ARMC1: variants seen among roughly 807,000 people sequenced by gnomAD.
ARMC1 encodes armadillo repeat containing 1.
Under a neutral mutation model 31.4 loss-of-function variants are expected in ARMC1, and 16 were observed. That is an observed-to-expected ratio of 0.51 (90% CI 0.34 to 0.77). ARMC1 has a LOEUF of 0.77. ARMC1 is among the 30% of genes least tolerant of loss of function. The pLI is 0.01. For synonymous variants in ARMC1, 114 were observed against 118.9 expected (o/e 0.96, Z 0.27); for missense variants, 259 against 347.5 (o/e 0.75, Z 2.02).
At chr8:65,608,742 T>C (rs1036239086) in intron 4 of ARMC1, among the ~76,000 whole-genome samples, 14 of 150,870 alleles carry the variant, frequency 9.3e-5, no homozygotes, top group African/African-American at 3.4e-4. Flanking sequence ...ACCCCGTCTC[T>C]ATAAAAATAC....
Position 65,605,554 on chromosome 8 carries a change from CA to C in ARMC1, c.466-17del. On this transcript the variant is annotated splice_polypyrimidine_tract_variant and intron_variant, in intron 4 of 6. Coordinates refer to ENST00000276569, the MANE Select transcript of ARMC1 (RefSeq NM_018120.6). ...TTCTCCGAGACTGAAAAAGTAAAAGCAAATTGTTATGAAAATAGGTAAATAA... is the reference window on the plus strand; with the variant it reads ...TTCTCCGAGACTGAAAAAGTAAAAGCAATTGTTATGAAAATAGGTAAATAA... 6.5e-7 allele frequency: 1 copy of C among 1,542,978 alleles called. No homozygotes were observed. The highest frequency in any genetic ancestry group is 9.0e-7 in the Non-Finnish European group (1 of 1,115,704).
rs974690530 is a variant in ARMC1, at chr8:65,607,354, G to T, written c.466-1816C>A. Among the ~76,000 whole-genome samples, 3 of 152,316 alleles carry T rather than the reference G, an allele frequency of 2.0e-5. No individual in the cohort carries two copies. In the East Asian group the frequency reaches 5.8e-4, roughly 29 times the overall value. ...AAGCTCACACAATATATATAAGTTA[G>T]GATACTATTAATCTGATCCCTTATT... is the stretch of plus-strand genomic sequence containing the variant. On this transcript the variant is annotated intron_variant, in intron 4 of 6. Coordinates refer to ENST00000276569, the MANE Select transcript of ARMC1 (RefSeq NM_018120.6).
intron 2 of ARMC1, among the ~76,000 whole-genome samples, chr8:65,623,069 G>A (rs1196050550): frequency 6.6e-6 from 1 of 150,912 alleles, no homozygotes; most frequent in Non-Finnish European, 1.5e-5. Context: ...CAGCACTTTA[G>A]GAGGCCAAGG....
intron 3 of ARMC1, among the ~76,000 whole-genome samples, chr8:65,616,907 G>A (rs1259251431): frequency 6.0e-5 from 9 of 150,602 alleles, no homozygotes; most frequent in South Asian, 2.1e-4. Flanking sequence ...CAGCCGCCCC[G>A]TCTGAGAAGT....
chr8:65,611,635 C>T (rs1211085363), intron 4 of ARMC1, among the ~76,000 whole-genome samples: 1 of 151,962 alleles, frequency 6.6e-6, no homozygotes, highest in Non-Finnish European at 1.5e-5. Flanking sequence ...TGACTTGATA[C>T]CCTTTCTTTT....
At chr8:65,627,619 TTG>T (rs1173208398) in intron 1 of ARMC1, among the ~76,000 whole-genome samples, 186 bp from the exon 2 acceptor site, 1 of 152,204 alleles carries the variant, frequency 6.6e-6, no homozygotes. Flanking sequence ...CTGAAAAAAT[TTG>T]TGTGCACAAT....
intron 3 of ARMC1, among the ~76,000 whole-genome samples, chr8:65,619,598 G>C (rs1808348936): frequency 6.6e-6 from 1 of 152,018 alleles, no homozygotes; most frequent in African/African-American, 2.4e-5. Context: ...TGTAATCCCA[G>C]CATGTTGGGA....
intron 3 of ARMC1, among the ~76,000 whole-genome samples, chr8:65,621,938 T>A (rs919466239): frequency 1.3e-5 from 2 of 151,824 alleles, no homozygotes; most frequent in African/African-American, 4.8e-5. Context: ...TACCTAAAAT[T>A]GAAATTTTTT....
At chr8:65,616,996 G>GTGTACCCAACAGCTCATTGA (rs1808282265) in intron 3 of ARMC1, among the ~76,000 whole-genome samples, 1 of 140,304 alleles carries the variant, frequency 7.1e-6, no homozygotes, top group Non-Finnish European at 1.5e-5. Context: ...CATCCAGGAG[G>GTGTACCCAACAGCTCATTGA]GAGGCGGGGG....
chr8:65,609,687 G>A (rs993062059), intron 4 of ARMC1, among the ~76,000 whole-genome samples: 2 of 151,744 alleles, frequency 1.3e-5, no homozygotes, highest in South Asian at 2.1e-4. Flanking sequence ...GTGAAACCCC[G>A]TCTCTACTAA....
Position 65,617,001 on chromosome 8 carries a change from C to T in ARMC1, c.276-3568G>A, listed in dbSNP as rs547594218. Among the ~76,000 whole-genome samples the T allele has an allele frequency of 8.5e-3, 1,139 of 134,040 alleles. 13 individuals carry two copies. The highest frequency in any genetic ancestry group is 0.011 in the Non-Finnish European group (703 of 63,506). 87.9% of individuals were successfully genotyped at this position (134,040 alleles called of 152,430 possible). On this transcript the variant is annotated intron_variant, in intron 3 of 6. Coordinates refer to ENST00000276569, the MANE Select transcript of ARMC1 (RefSeq NM_018120.6). ...GCAGCCGCCCCATCCAGGAGGGAGG[C>T]GGGGGGCAGCCCCCGCCCGGCCAGC...
intron 4 of ARMC1, among the ~76,000 whole-genome samples, chr8:65,611,944 G>C (rs901824597): frequency 6.6e-6 from 1 of 151,782 alleles, no homozygotes; most frequent in Non-Finnish European, 1.5e-5. Flanking sequence ...GCTAATTTTT[G>C]TATTTTTAGT....
In ARMC1 at chr8:65,624,463, C is replaced by G. The variant is rs201801249; in HGVS notation, c.184-2109G>C. 4.0e-5 allele frequency among the ~76,000 whole-genome samples: 5 copies of G among 123,902 alleles called. No homozygotes were observed. In the East Asian group the frequency reaches 1.2e-3, roughly 30 times the overall value. The allele number at this position is 123,902 out of a possible 152,430, so 81.3% of individuals were successfully genotyped here. A position where few individuals can be genotyped will look rare whatever the true frequency, so the allele number is the denominator to read the frequency against. ...GCAGTGAGCTGAGATTGCGCCACTGCACTCCAGCCTAGGTGACAGAGCAAG... is the reference window on the plus strand; with the variant it reads ...GCAGTGAGCTGAGATTGCGCCACTGGACTCCAGCCTAGGTGACAGAGCAAG... On this transcript the variant is annotated intron_variant, in intron 2 of 6. Transcript: ENST00000276569.
chr8:65,621,740 C>T (rs1030242726), intron 3 of ARMC1, among the ~76,000 whole-genome samples: 5 of 152,184 alleles, frequency 3.3e-5, no homozygotes, highest in Non-Finnish European at 5.9e-5. Context: ...AACTCCTGGC[C>T]ACAAGTGATC....
intron 3 of ARMC1, 49 bp from the exon 4 acceptor site, chr8:65,613,482 T>C (rs753138819): frequency 7.6e-7 from 1 of 1,316,560 alleles, no homozygotes; most frequent in Non-Finnish European, 1.0e-6. Flanking sequence ...CTACTGATTC[T>C]GTAATTTTAT....
At chr8:65,624,305 C>G (rs1010392244) in intron 2 of ARMC1, among the ~76,000 whole-genome samples, 1 of 151,302 alleles carries the variant, frequency 6.6e-6, no homozygotes, top group Non-Finnish European at 1.5e-5. Context: ...TCAAGACCAG[C>G]CTGGCCAACA....
intron 4 of ARMC1, among the ~76,000 whole-genome samples, chr8:65,611,877 G>A (rs753014407): frequency 1.3e-5 from 2 of 151,444 alleles, no homozygotes; most frequent in Non-Finnish European, 2.9e-5. Flanking sequence ...GGGTTCAAGC[G>A]ATTCTCCTGC....
rs1374824554 is a variant in ARMC1, at chr8:65,603,631, T to C, written c.*763A>G. 6.6e-6 allele frequency: 1 copy of C among 152,296 alleles called. No homozygotes were observed. 9.4% of individuals were successfully genotyped at this position (152,296 alleles called of 1,614,324 possible). The stretch of plus-strand genomic sequence containing the variant: ...TCATGATCACATTAACTCTCAAGAA[T>C]TGATATAAGCCAAAGTGAAAAGAAG... On this transcript the variant is annotated 3_prime_UTR_variant, in exon 7 of 7. Coordinates refer to ENST00000276569, the MANE Select transcript of ARMC1 (RefSeq NM_018120.6).
At chr8:65,615,408 A>G (rs951758321) in intron 3 of ARMC1, among the ~76,000 whole-genome samples, 2 of 151,982 alleles carry the variant, frequency 1.3e-5, no homozygotes, top group Non-Finnish European at 2.9e-5. Flanking sequence ...GTTAAAAAAA[A>G]AAAAAAAAAA....
Sources: allele counts gnomAD v4.1 joint callset (sites outside exome capture counted in the v4.1 genomes callset), GRCh38; gene constraint gnomAD v4.1.1; transcripts MANE v1.5; gene names NCBI Gene and HGNC (gene_info 2026-07-23, HGNC 2026-07-21).